The following PTPRN2 variants were observed in gnomAD, a reference collection of about 807,000 sequenced individuals.
The protein encoded by PTPRN2 is receptor-type tyrosine-protein phosphatase N2.
PTPRN2 carries 74 observed loss-of-function variants against 118.8 expected under a neutral mutation model. The ratio of observed to expected loss-of-function variants is 0.62; its 90% confidence interval spans 0.52 to 0.76. The LOEUF (loss-of-function observed/expected upper bound fraction) is 0.76, where lower values mean the gene tolerates loss of function less well. Ranked by LOEUF, PTPRN2 falls within the 30% of genes least tolerant of loss-of-function variation. The pLI, the probability that PTPRN2 is intolerant of heterozygous loss-of-function variation, is 0.00. For synonymous variants in PTPRN2, 641 were observed against 608.0 expected, an observed-to-expected ratio of 1.05 and a Z score of -0.80; for missense variants, 1,481 against 1,394.4, an observed-to-expected ratio of 1.06 and a Z score of -0.99.
In PTPRN2 at chr7:158,546,335, G is replaced by A. The variant is rs181098934; in HGVS notation, c.112+41223C>T. The stretch of plus-strand genomic sequence containing the variant: ...ACGCCTGCCCGGAGACGGGGTCCGC[G>A]AGGTGCCAGCTTTGCACTGTCAAAG... On this transcript the variant is annotated intron_variant, in intron 1 of 22. Transcript: ENST00000389418. This position sits in a 1 kb window ranked among gnomAD's most constrained non-coding sequence, Gnocchi z 5.0. Among the ~76,000 whole-genome samples the A allele has an allele frequency of 2.6e-5, 4 of 152,322 alleles. No homozygotes were observed. Among genetic ancestry groups the A allele is most frequent in the South Asian group, 2.1e-4 (1 of 4,828 alleles).
rs570335615 is a variant in PTPRN2, at chr7:157,724,239, C to G, written c.1789-41302G>C. Among the ~76,000 whole-genome samples, 61 of 152,228 alleles carry G rather than the reference C, an allele frequency of 4.0e-4. 1 individual carries two copies. The highest frequency in any genetic ancestry group is 5.1e-4 in the Non-Finnish European group (35 of 68,050). On this transcript the variant is annotated intron_variant, in intron 12 of 22. Transcript: ENST00000389418. ...GTTTACGTGACATTTAGGCTACCCC[C>G]ACCTGAAACACATTTATTTGCAGAC... is the stretch of plus-strand genomic sequence containing the variant.
chr7:158,404,108 T>C (rs964456924), intron 2 of PTPRN2, among the ~76,000 whole-genome samples: 10 of 152,216 alleles, frequency 6.6e-5, no homozygotes, highest in African/African-American at 2.4e-4. Context: ...TAATAAAAGG[T>C]ATCGCCGTGA....
Position 157,763,244 on chromosome 7 carries a change from A to G in PTPRN2, c.1789-80307T>C, listed in dbSNP as rs962600071. On this transcript the variant is annotated intron_variant, in intron 12 of 22. Coordinates refer to ENST00000389418, the MANE Select transcript of PTPRN2 (RefSeq NM_002847.5). The surrounding 1 kb of genome is among the most constrained non-coding windows in gnomAD (Gnocchi z 4.9). ...GCCCTGAGGTGTCCAGTCCAACTCA[A>G]ATTTCCAGCCACATACACCATGACC... 2.0e-5 allele frequency among the ~76,000 whole-genome samples: 3 copies of G among 152,198 alleles called. No homozygotes were observed. The highest frequency in any genetic ancestry group is 4.8e-5 in the African/African-American group (2 of 41,458).
chr7:158,340,999 AGG>A, intron 2 of PTPRN2, among the ~76,000 whole-genome samples: 1 of 66,492 alleles, frequency 1.5e-5, no homozygotes, highest in Non-Finnish European at 3.2e-5. Context: ...TCACCATAAG[AGG>A]TGAAACCTGC....
chr7:158,494,572 T>C (rs1299819264), intron 1 of PTPRN2, among the ~76,000 whole-genome samples: 1 of 152,198 alleles, frequency 6.6e-6, no homozygotes, highest in African/African-American at 2.4e-5. Context: ...CTCAGAAGCC[T>C]GTGAGCTGCT....
chr7:158,191,114 T>TG (rs2150700793), intron 5 of PTPRN2, among the ~76,000 whole-genome samples: 1 of 152,358 alleles, frequency 6.6e-6, no homozygotes, highest in East Asian at 1.9e-4. Context: ...TTGAGCTTAG[T>TG]GGCCACGCGT....
Position 157,714,796 on chromosome 7 carries a change from A to G in PTPRN2, c.1789-31859T>C, listed in dbSNP as rs546374338. Among the ~76,000 whole-genome samples the G allele has an allele frequency of 1.7e-4, 25 of 144,420 alleles. No homozygotes were observed. In the South Asian group the frequency reaches 5.5e-3, roughly 32 times the overall value. 94.7% of individuals were successfully genotyped at this position (144,420 alleles called of 152,430 possible). ...TCCGACATGCTTCTGAAAGGATTCT[A>G]GGTCTCCCGCTTTCTGAAGCCAACT... On this transcript the variant is annotated intron_variant, in intron 12 of 22. Transcript: ENST00000389418.
chr7:158,200,096 C>A (rs150575552), intron 4 of PTPRN2, among the ~76,000 whole-genome samples: 7 of 152,298 alleles, frequency 4.6e-5, no homozygotes, highest in African/African-American at 1.7e-4. Flanking sequence ...AAAAGCCCCA[C>A]AGAGGAATCA....
intron 11 of PTPRN2, among the ~76,000 whole-genome samples, chr7:157,998,809 C>A (rs1256424160): frequency 7.1e-6 from 1 of 140,624 alleles, no homozygotes; most frequent in Admixed American, 7.1e-5. Flanking sequence ...GTGACAGATA[C>A]TCCATCTCAA....
At chr7:158,214,120 G>A (rs1017798149) in intron 3 of PTPRN2, among the ~76,000 whole-genome samples, 4 of 151,986 alleles carry the variant, frequency 2.6e-5, no homozygotes, top group Admixed American at 1.3e-4. Context: ...CAGAGGTATG[G>A]GAGTTTAAGC....
chr7:157,649,857 T>C (rs202133849), intron 14 of PTPRN2, among the ~76,000 whole-genome samples: 306 of 118,400 alleles, frequency 2.6e-3, no homozygotes, highest in Non-Finnish European at 4.2e-3. Context: ...CTCGGTGGGT[T>C]GGACCCACCC....
At position 158,452,534 on chromosome 7, in the gene PTPRN2, T is replaced by C. The variant is rs1301015225; in HGVS notation, c.163+37201A>G. 3.3e-5 allele frequency among the ~76,000 whole-genome samples: 5 copies of C among 152,156 alleles called. 1 individual carries two copies. The highest frequency in any genetic ancestry group is 2.9e-5 in the Non-Finnish European group (2 of 68,030). On this transcript the variant is annotated intron_variant, in intron 2 of 22. Coordinates refer to ENST00000389418, the MANE Select transcript of PTPRN2 (RefSeq NM_002847.5). ...CCACGCACCTGCCCCTGCAACCTTGTCCCGGGCGGCCTCCTGCCACCCCAC... is the reference window on the plus strand; with the variant it reads ...CCACGCACCTGCCCCTGCAACCTTGCCCCGGGCGGCCTCCTGCCACCCCAC...
rs1238016471 is a variant in PTPRN2 at position 157,858,220 on chromosome 7, C to T, written c.1788+40453G>A. Among the ~76,000 whole-genome samples, 37 of 17,874 alleles carry T rather than the reference C, an allele frequency of 2.1e-3. 8 individuals are homozygous for T. Among genetic ancestry groups the T allele is most frequent in the East Asian group, 0.02 (5 of 254 alleles). The allele number at this position is 17,874 out of a possible 152,430, so 11.7% of individuals were successfully genotyped here. ...CACTCCTGCAGGGAGAGCCTCCCAGCCACCACCCACACTCCTGCAGGGAGA... is the reference window on the plus strand; with the variant it reads ...CACTCCTGCAGGGAGAGCCTCCCAGTCACCACCCACACTCCTGCAGGGAGA... On this transcript the variant is annotated intron_variant, in intron 12 of 22. Transcript: ENST00000389418.
chr7:158,424,735 A>C (rs1200250485), intron 2 of PTPRN2, among the ~76,000 whole-genome samples: 1 of 152,234 alleles, frequency 6.6e-6, no homozygotes, highest in East Asian at 1.9e-4. Flanking sequence ...CGCACCCTCG[A>C]GAACATCTGG....
At chr7:158,190,894 C>T (rs2150699946) in intron 5 of PTPRN2, among the ~76,000 whole-genome samples, 1 of 152,380 alleles carries the variant, frequency 6.6e-6, no homozygotes, top group South Asian at 2.1e-4. Flanking sequence ...AGATGGCTGC[C>T]CAGGAGCTGC....
intron 1 of PTPRN2, among the ~76,000 whole-genome samples, chr7:158,524,191 AGTC>A (rs1310085552): frequency 1.9e-5 from 1 of 53,670 alleles, no homozygotes. Flanking sequence ...CCTGGAGTGG[AGTC>A]GTCTACCCTG....
At chr7:158,489,835 G>A (rs1586788753) in intron 1 of PTPRN2, 50 bp from the exon 2 acceptor site, 1 of 1,520,456 alleles carries the variant, frequency 6.6e-7, no homozygotes, top group Non-Finnish European at 8.9e-7. Context: ...GAGGAGGGGG[G>A]TGCCCCCGAG....
intron 10 of PTPRN2, 55 bp from the exon 11 acceptor site, chr7:158,081,432 T>TTTC (rs1563407284): frequency 5.9e-6 from 9 of 1,536,686 alleles, no homozygotes; most frequent in Non-Finnish European, 8.1e-6. Context: ...CCACACCGCT[T>TTTC]TTCTGAAAAC....
chr7:157,680,975 A>G (rs1377911026), intron 13 of PTPRN2, among the ~76,000 whole-genome samples: 1 of 152,124 alleles, frequency 6.6e-6, no homozygotes, highest in Admixed American at 6.5e-5. Flanking sequence ...AAATTCAAAC[A>G]ATTTTCCTGC....
Sources: gnomAD v4.1 joint callset for allele counts (sites outside exome capture counted in the v4.1 genomes callset) on GRCh38, gnomAD v4.1.1 for gene constraint, Gnocchi (gnomAD v3.1) non-coding constraint, MANE v1.5 for transcripts, NCBI Gene and HGNC (gene_info 2026-07-23, HGNC 2026-07-21) for gene names.